FMNL3: variants seen among roughly 807,000 people sequenced by gnomAD.
FMNL3 encodes the protein formin-like protein 3.
Under a neutral mutation model 119.6 loss-of-function variants are expected in FMNL3, and 57 were observed. The ratio of observed to expected loss-of-function variants is 0.48; its 90% confidence interval spans 0.39 to 0.59. FMNL3 has a LOEUF of 0.59. Among genes scored for constraint, FMNL3 ranks in the 20% least tolerant of loss-of-function variants. The pLI, the probability that FMNL3 is intolerant of heterozygous loss-of-function variation, is 0.00. For missense variants in FMNL3, 1,053 were observed against 1,323.5 expected (o/e 0.80, Z 3.17); for synonymous variants, 491 against 507.3 (o/e 0.97, Z 0.43).
At chr12:49,655,440 A>C (rs1943540059) in intron 9 of FMNL3, among the ~76,000 whole-genome samples, 1 of 152,162 alleles carries the variant, frequency 6.6e-6, no homozygotes, top group Non-Finnish European at 1.5e-5. Flanking sequence ...CAAAAAAGAA[A>C]ATAAAGAAAA....
chr12:49,685,280 T>C, intron 1 of FMNL3, among the ~76,000 whole-genome samples: 1 of 151,582 alleles, frequency 6.6e-6, no homozygotes, highest in Non-Finnish European at 1.5e-5. Context: ...AGCCCAGGAG[T>C]TCGAGACCAG....
At chr12:49,661,943 T>C (rs2138822633) in intron 5 of FMNL3, 23 bp downstream of exon 5, 1 of 1,611,596 alleles carries the variant, frequency 6.2e-7, no homozygotes, top group South Asian at 1.1e-5. Context: ...GGTCCCCAAC[T>C]TCAGCCCCGG....
In FMNL3 at chr12:49,647,213, G is replaced by C; in HGVS notation, c.2871+63C>G. 6.3e-7 allele frequency: 1 copy of C among 1,596,894 alleles called. No individual in the cohort carries two copies. The highest frequency in any genetic ancestry group is 8.6e-7 in the Non-Finnish European group (1 of 1,165,526). ...AAGTTTTCATCTCCTCTAGCCTTCT[G>C]ACCCCCAGCCCCCACTCTTTTGCCT... is the stretch of plus-strand genomic sequence containing the variant. On this transcript the variant is annotated intron_variant, in intron 24 of 25. Coordinates refer to ENST00000335154, the MANE Select transcript of FMNL3 (RefSeq NM_175736.5). This position sits in a 1 kb window ranked among gnomAD's most constrained non-coding sequence, Gnocchi z 4.9.
chr12:49,656,480 A>T lies in FMNL3; in HGVS notation c.809T>A (p.Leu270Ter). 1 of 1,614,082 alleles carries T rather than the reference A, an allele frequency of 6.2e-7. No individual in the cohort carries two copies. Among genetic ancestry groups the T allele is most frequent in the Non-Finnish European group, 8.5e-7 (1 of 1,179,960 alleles). The change falls in exon 9 of 26, where the codon TTA becomes TAA. Residue 270 changes from leucine (L) to a stop codon, truncating the protein, a stop_gained. Coordinates refer to ENST00000335154, the MANE Select transcript of FMNL3 (RefSeq NM_175736.5). LOFTEE classifies it high-confidence loss of function. ...CAAACACACAGCTGCCAGAAGCTCT[A>T]AGACAAGGGCTTTGGTCCTAAGGGG... ...NKNPRTKALV[L>*]ELLAAVCLVR...
At chr12:49,693,973 C>T (rs889532197) in intron 1 of FMNL3, among the ~76,000 whole-genome samples, 1 of 151,352 alleles carries the variant, frequency 6.6e-6, no homozygotes, top group African/African-American at 2.4e-5. Flanking sequence ...GGGTCTCATT[C>T]AGAGGCCCGG....
intron 1 of FMNL3, among the ~76,000 whole-genome samples, chr12:49,680,006 T>C (rs1565888076): frequency 6.6e-6 from 1 of 152,256 alleles, no homozygotes; most frequent in Admixed American, 6.5e-5. Flanking sequence ...CATATTGTTA[T>C]TCATTTTTCA....
intron 1 of FMNL3, among the ~76,000 whole-genome samples, chr12:49,673,469 C>T (rs968167620): frequency 3.3e-5 from 5 of 152,254 alleles, no homozygotes; most frequent in African/African-American, 4.8e-5. Context: ...GCAGGCAACA[C>T]AAGGCACAAA....
At chr12:49,704,869 CAG>C (rs1395409166) in intron 1 of FMNL3, among the ~76,000 whole-genome samples, 1 of 152,170 alleles carries the variant, frequency 6.6e-6, no homozygotes. Context: ...AGTCTAGGCT[CAG>C]AGAAGTTAAG....
chr12:49,670,196 C>T (rs1944006712), intron 1 of FMNL3, among the ~76,000 whole-genome samples: 1 of 152,350 alleles, frequency 6.6e-6, no homozygotes, highest in South Asian at 2.1e-4. Context: ...TCCAGGGTCC[C>T]TGAGGAGTCA....
At chr12:49,686,575 C>A (rs1320244622) in intron 1 of FMNL3, among the ~76,000 whole-genome samples, 1 of 117,774 alleles carries the variant, frequency 8.5e-6, no homozygotes, top group Non-Finnish European at 1.6e-5. Flanking sequence ...GAGACTTCAT[C>A]TCCAAAAAAA....
rs371540756 is a variant in FMNL3, at chr12:49,646,961, A to G, written c.2920T>C (p.Leu974=). The G allele has an allele frequency of 5.6e-5, 91 of 1,613,982 alleles. 1 individual carries two copies. In the African/African-American group the frequency reaches 1.1e-3, roughly 19 times the overall value. ...TGTTCCTTGGCCTGGCGCCGCCTCAACTCTGCTATTAACTCCTGCTGTTGC... is the reference window on the plus strand; with the variant it reads ...TGTTCCTTGGCCTGGCGCCGCCTCAGCTCTGCTATTAACTCCTGCTGTTGC... ...KWQQQELIAE[L]RRRQAKEHRP... The change falls in exon 25 of 26, where the codon TTG becomes CTG. Residue 974 remains leucine (L), a synonymous_variant. Coordinates refer to ENST00000335154, the MANE Select transcript of FMNL3 (RefSeq NM_175736.5).
At position 49,652,084 on chromosome 12, in the gene FMNL3, C is replaced by G; in HGVS notation, c.1452G>C (p.Glu484Asp). Residue 484 changes from glutamate (E) to aspartate (D), a missense_variant, in exon 14 of 26, where the codon GAG (glutamate) becomes GAC (aspartate). Around this residue, in one of 4 missense-constraint regions of FMNL3, gnomAD observed 445 missense variants for 628.4 expected, o/e 0.71. Transcript: ENST00000335154. ...CTGCAGGGCCTACTCTGGCCAGGGC[C>G]TCACTGTCCACAGACTCCAGGCCCC... The part of the protein sequence containing the change: ...NVRGLESVDS[E>D]ALARVGPAEL... The G allele has an allele frequency of 6.2e-7, 1 of 1,612,874 alleles. No individual in the cohort carries two copies. Among genetic ancestry groups the G allele is most frequent in the Non-Finnish European group, 8.5e-7 (1 of 1,179,528 alleles).
chr12:49,642,174 T>G lies in FMNL3; in HGVS notation c.*3641A>C, dbSNP rs1320034854. On this transcript the variant is annotated 3_prime_UTR_variant, in exon 26 of 26. Coordinates refer to ENST00000335154, the MANE Select transcript of FMNL3 (RefSeq NM_175736.5). The surrounding 1 kb of genome is among the most constrained non-coding windows in gnomAD (Gnocchi z 5.8). ...AACTTTCCACCTCCTAAGGTATGCCTGAGTGGGACCTGGCATCCACCCTCC... is the reference window on the plus strand; with the variant it reads ...AACTTTCCACCTCCTAAGGTATGCCGGAGTGGGACCTGGCATCCACCCTCC... 2 of 1,613,190 alleles carry G rather than the reference T, an allele frequency of 1.2e-6. No individual in the cohort carries two copies. The highest frequency in any genetic ancestry group is 2.7e-5 in the African/African-American group (2 of 74,932).
In FMNL3 at chr12:49,649,572, G is replaced by A. The variant is rs771892079; in HGVS notation, c.2236-34C>T. 21 of 1,613,098 alleles carry A rather than the reference G, an allele frequency of 1.3e-5. No individual in the cohort carries two copies. The highest frequency in any genetic ancestry group is 1.8e-5 in the Non-Finnish European group (21 of 1,179,066). ...CAATATGAACACTGAAGTAACCCCA[G>A]GCTGAGATGGGGTAAAGACAGGGAG... On this transcript the variant is annotated intron_variant, in intron 18 of 25. Coordinates refer to ENST00000335154, the MANE Select transcript of FMNL3 (RefSeq NM_175736.5). The surrounding 1 kb of genome is among the most constrained non-coding windows in gnomAD (Gnocchi z 5.6).
chr12:49,644,050 C>T lies in FMNL3; in HGVS notation c.*1765G>A. The stretch of plus-strand genomic sequence containing the variant: ...GCCAGTCAGCACGCTGGTCAAGCTT[C>T]CACGGCCCTTAGTGCAGGCTAAGGG... On this transcript the variant is annotated 3_prime_UTR_variant, in exon 26 of 26. Coordinates refer to ENST00000335154, the MANE Select transcript of FMNL3 (RefSeq NM_175736.5). 6.2e-7 allele frequency: 1 copy of T among 1,614,176 alleles called. No homozygotes were observed. The highest frequency in any genetic ancestry group is 8.5e-7 in the Non-Finnish European group (1 of 1,180,022).
Position 49,666,214 on chromosome 12 carries a change from G to A in FMNL3, c.211-7C>T, listed in dbSNP as rs1319771039. The A allele has an allele frequency of 6.2e-7, 1 of 1,612,710 alleles. No individual in the cohort carries two copies. The highest frequency in any genetic ancestry group is 8.5e-7 in the Non-Finnish European group (1 of 1,179,224). ...TCTTCACCTGGAATCGTTCCTGTAA[G>A]GGAAACATGCATATGCGTATCCACA... is the stretch of plus-strand genomic sequence containing the variant. On this transcript the variant is annotated splice_region_variant and splice_polypyrimidine_tract_variant and intron_variant, in intron 2 of 25. Coordinates refer to ENST00000335154, the MANE Select transcript of FMNL3 (RefSeq NM_175736.5).
chr12:49,665,352 T>G (rs1405368902), intron 4 of FMNL3, among the ~76,000 whole-genome samples: 1 of 152,168 alleles, frequency 6.6e-6, no homozygotes, highest in African/African-American at 2.4e-5. Context: ...TCCTGGTGCT[T>G]AAGGAAGCTT....
At chr12:49,660,755 C>T (rs535453209) in intron 5 of FMNL3, among the ~76,000 whole-genome samples, 107 of 152,332 alleles carry the variant, frequency 7.0e-4, no homozygotes, top group African/African-American at 2.4e-3. Context: ...CCCAGGAGTT[C>T]GAGGCCAGCC....
intron 1 of FMNL3, among the ~76,000 whole-genome samples, chr12:49,695,125 G>A (rs1216171256): frequency 2.0e-5 from 3 of 151,506 alleles, no homozygotes; most frequent in African/African-American, 7.3e-5. Flanking sequence ...CCAAGAGTTC[G>A]ACTCCAGTTT....
Sources: gnomAD v4.1 joint callset for allele counts (sites outside exome capture counted in the v4.1 genomes callset) on GRCh38, gnomAD v4.1.1 for gene constraint, gnomAD v4.1.1 regional missense constraint, Gnocchi (gnomAD v3.1) non-coding constraint, MANE v1.5 for transcripts, NCBI Gene and HGNC (gene_info 2026-07-23, HGNC 2026-07-21) for gene names.